Variants in ANP32E observed in about 807,000 individuals in gnomAD.
The protein encoded by ANP32E is acidic nuclear phosphoprotein 32 family member E, also known as acidic leucine-rich nuclear phosphoprotein 32 family member E.
In ANP32E, 14 loss-of-function variants were observed where a neutral mutation model predicts 35.3. The ratio of observed to expected loss-of-function variants is 0.40; its 90% confidence interval spans 0.26 to 0.62. The LOEUF is 0.62. ANP32E is among the 20% of genes least tolerant of loss of function. The pLI, the probability that ANP32E is intolerant of heterozygous loss-of-function variation, is 0.45. For synonymous variants in ANP32E, 89 were observed against 110.4 expected (o/e 0.81, Z 1.22); for missense variants, 198 against 304.4 (o/e 0.65, Z 2.60).
In ANP32E at chr1:150,235,233, C is replaced by T. The variant is rs2101801335; in HGVS notation, c.54+500G>A. Among the ~76,000 whole-genome samples the T allele has an allele frequency of 6.6e-6, 1 of 152,354 alleles. No homozygotes were observed. The highest frequency in any genetic ancestry group is 2.4e-5 in the African/African-American group (1 of 41,592). On this transcript the variant is annotated intron_variant, in intron 1 of 6. Transcript: ENST00000583931. The surrounding 1 kb of genome is among the most constrained non-coding windows in gnomAD (Gnocchi z 4.2). ...GCGGACCCTGCAAGCGACCCCAGCCCGCGCCCGTCGCGACGTCGGACGCCC... is the reference window on the plus strand; with the variant it reads ...GCGGACCCTGCAAGCGACCCCAGCCTGCGCCCGTCGCGACGTCGGACGCCC...
rs990125504 is a variant in ANP32E, at chr1:150,236,053, C to T, written c.-267G>A. 1 of 489,248 alleles carries T rather than the reference C, an allele frequency of 2.0e-6. No individual in the cohort carries two copies. The highest frequency in any genetic ancestry group is 3.7e-6 in the Non-Finnish European group (1 of 269,146). 30.3% of individuals were successfully genotyped at this position (489,248 alleles called of 1,614,324 possible). Reference sequence around the variant, plus strand: ...ACGCACGCACGCGCGCACACACATACACACACACATACACACACACACCCG... The same window carrying T: ...ACGCACGCACGCGCGCACACACATATACACACACATACACACACACACCCG... On this transcript the variant is annotated 5_prime_UTR_variant, in exon 1 of 7. Transcript: ENST00000583931.
At chr1:150,233,127 T>C (rs1430094884) in intron 1 of ANP32E, among the ~76,000 whole-genome samples, 6 of 151,838 alleles carry the variant, frequency 4.0e-5, no homozygotes, top group African/African-American at 1.4e-4. Flanking sequence ...CAGCCGGGCG[T>C]GATGGTGGGC....
intron 5 of ANP32E, among the ~76,000 whole-genome samples, chr1:150,225,844 G>A (rs1159210318): frequency 6.6e-6 from 1 of 152,018 alleles, no homozygotes; most frequent in East Asian, 1.9e-4. Context: ...TGGTGATGCT[G>A]TATTCAGACA....
Position 150,223,250 on chromosome 1 carries a change from C to A in ANP32E, c.682-10G>T. On this transcript the variant is annotated splice_polypyrimidine_tract_variant and intron_variant, in intron 5 of 6. Transcript: ENST00000583931. ...CATCATCTTCTTCATCCTTGAAATT[C>A]AAATATTCAGTTTGAAGATTGAAAA... 1 of 1,526,726 alleles carries A rather than the reference C, an allele frequency of 6.5e-7. No homozygotes were observed. Among genetic ancestry groups the A allele is most frequent in the South Asian group, 1.2e-5 (1 of 83,492 alleles). 94.6% of individuals were successfully genotyped at this position (1,526,726 alleles called of 1,614,324 possible). A position where few individuals can be genotyped will look rare whatever the true frequency, so the allele number is the denominator to read the frequency against.
intron 6 of ANP32E, among the ~76,000 whole-genome samples, chr1:150,221,628 A>AGGAAGGAAGGAAGGAAGGAAGGAAGG (rs1572006000): frequency 6.7e-5 from 10 of 150,018 alleles, no homozygotes; most frequent in East Asian, 4.0e-4. Flanking sequence ...GAAGGAAGGA[A>AGGAAGGAAGGAAGGAAGGAAGGAAGG]ATTATACTTC....
intron 1 of ANP32E, among the ~76,000 whole-genome samples, chr1:150,233,125 C>T (rs764959165): frequency 2.0e-5 from 3 of 151,826 alleles, no homozygotes; most frequent in Admixed American, 6.6e-5. Context: ...ATCAGCCGGG[C>T]GTGATGGTGG....
chr1:150,225,940 C>G (rs942073454), intron 5 of ANP32E, among the ~76,000 whole-genome samples: 1 of 151,374 alleles, frequency 6.6e-6, no homozygotes, highest in Non-Finnish European at 1.5e-5. Flanking sequence ...CTATAATGTG[C>G]CAGGGACTAT....
Position 150,229,842 on chromosome 1 carries a change from G to A in ANP32E, c.328-605C>T, listed in dbSNP as rs587742885. Among the ~76,000 whole-genome samples the A allele has an allele frequency of 3.3e-5, 5 of 152,130 alleles. No homozygotes were observed. In the South Asian group the frequency reaches 1.0e-3, roughly 32 times the overall value. On this transcript the variant is annotated intron_variant, in intron 3 of 6. Transcript: ENST00000583931. ...TTGGCCAGGATGGCCTCAATCTCCT[G>A]ACCTCATGATCGGCTCACCTCGGCC...
rs79494325 is a variant in ANP32E at position 150,225,444 on chromosome 1, C to T, written c.681+1164G>A. 8.9e-3 allele frequency among the ~76,000 whole-genome samples: 1,344 copies of T among 151,732 alleles called. 18 individuals carry two copies. The highest frequency in any genetic ancestry group is 0.031 in the African/African-American group (1,274 of 41,322). On this transcript the variant is annotated intron_variant, in intron 5 of 6. Coordinates refer to ENST00000583931, the MANE Select transcript of ANP32E (RefSeq NM_030920.5). ...CAGCACTGTGGGATGCCAAGGTGGG[C>T]GGATAATTTGAGGTCAGGAGTTCAA...
intron 4 of ANP32E, 22 bp downstream of exon 4, chr1:150,229,050 T>C (rs1553840897): frequency 6.2e-7 from 1 of 1,604,246 alleles, no homozygotes; most frequent in African/African-American, 1.3e-5. Flanking sequence ...ATGACACACT[T>C]ATGAGTATTA....
intron 2 of ANP32E, 87 bp from the exon 3 acceptor site, chr1:150,230,780 C>G (rs1245374728): frequency 7.7e-7 from 1 of 1,306,538 alleles, no homozygotes; most frequent in Non-Finnish European, 1.0e-6. Context: ...CTCACTCTGT[C>G]GCCCAGGCTG....
At chr1:150,230,842 A>G in intron 2 of ANP32E, 149 bp from the exon 3 acceptor site, 5 of 599,402 alleles carry the variant, frequency 8.3e-6, no homozygotes, top group Non-Finnish European at 1.3e-5. Context: ...CCTGGGTTCA[A>G]GCAAATTCTC....
chr1:150,223,409 G>T (rs1235199668), intron 5 of ANP32E, 169 bp from the exon 6 acceptor site: 1 of 819,148 alleles, frequency 1.2e-6, no homozygotes, highest in Non-Finnish European at 1.8e-6. Context: ...GGCCGGGCGC[G>T]GTGGCTCACG....
intron 1 of ANP32E, chr1:150,234,817 G>T (rs1032776837): frequency 2.6e-5 from 7 of 268,290 alleles, no homozygotes; most frequent in Non-Finnish European, 3.4e-5. Flanking sequence ...CCTCCTACCC[G>T]ACCCCCGAAA....
intron 1 of ANP32E, among the ~76,000 whole-genome samples, chr1:150,232,433 C>T (rs981094245): frequency 2.2e-4 from 33 of 149,838 alleles, no homozygotes; most frequent in Non-Finnish European, 2.2e-4. Flanking sequence ...GATATACAAT[C>T]TAAAGTCATC....
intron 3 of ANP32E, 69 bp downstream of exon 3, chr1:150,230,502 T>C: frequency 2.8e-6 from 4 of 1,443,826 alleles, no homozygotes; most frequent in Non-Finnish European, 3.7e-6. Context: ...TAGAAATTAA[T>C]AGACACAAAC....
chr1:150,220,687 T>C lies in ANP32E; in HGVS notation c.*4A>G. 6.2e-7 allele frequency: 1 copy of C among 1,613,414 alleles called. No homozygotes were observed. Among genetic ancestry groups the C allele is most frequent in the Non-Finnish European group, 8.5e-7 (1 of 1,179,392 alleles). On this transcript the variant is annotated 3_prime_UTR_variant, in exon 7 of 7. Transcript: ENST00000583931. Reference sequence around the variant, plus strand: ...AACATTAGAGAATCTGGTCTTAGAATGATCTAGTCATCTTCTTCCTCTCCA... The same window carrying C: ...AACATTAGAGAATCTGGTCTTAGAACGATCTAGTCATCTTCTTCCTCTCCA...
At chr1:150,232,489 T>TTAG (rs1477799667) in intron 1 of ANP32E, among the ~76,000 whole-genome samples, 4 of 125,298 alleles carry the variant, frequency 3.2e-5, no homozygotes, top group Admixed American at 8.3e-5. Flanking sequence ...TTTTTTTTTG[T>TTAG]AGATGGAGTC....
At chr1:150,229,758 G>A (rs1262421293) in intron 3 of ANP32E, among the ~76,000 whole-genome samples, 5 of 152,270 alleles carry the variant, frequency 3.3e-5, no homozygotes, top group Admixed American at 6.5e-5. Context: ...GATTACAGGC[G>A]TGAGCCACCG....
Sources: gnomAD v4.1 joint callset for allele counts (sites outside exome capture counted in the v4.1 genomes callset) on GRCh38, gnomAD v4.1.1 for gene constraint, Gnocchi (gnomAD v3.1) non-coding constraint, MANE v1.5 for transcripts, NCBI Gene and HGNC (gene_info 2026-07-23, HGNC 2026-07-21) for gene names.